The following KCNH1 variants were observed in gnomAD, a reference collection of about 807,000 sequenced individuals.
KCNH1 encodes the protein voltage-gated delayed rectifier potassium channel KCNH1.
A neutral mutation model predicts 69.2 loss-of-function variants in KCNH1; 27 were observed. The observed-to-expected ratio is 0.39, with a 90% CI of 0.29 to 0.54. KCNH1 has a LOEUF of 0.54. Ranked by LOEUF, KCNH1 falls within the 20% of genes least tolerant of loss-of-function variation. The probability of loss-of-function intolerance (pLI) is 0.68; values close to 1 mark genes in which losing one functional copy is unlikely to be tolerated. For missense variants in KCNH1, 798 were observed against 1,261.6 expected, an observed-to-expected ratio of 0.63 and a Z score of 5.57; for synonymous variants, 456 against 487.7, an observed-to-expected ratio of 0.93 and a Z score of 0.86.
chr1:210,814,414 T>C (rs928914308), intron 7 of KCNH1, among the ~76,000 whole-genome samples: 2 of 152,180 alleles, frequency 1.3e-5, no homozygotes, highest in Non-Finnish European at 2.9e-5. Context: ...GACTAAAGAA[T>C]TTTCTCTAAA....
chr1:210,961,848 G>A (rs4951689), intron 6 of KCNH1, among the ~76,000 whole-genome samples: 38 of 147,754 alleles, frequency 2.6e-4, no homozygotes, highest in Admixed American at 4.7e-4. Context: ...CAAAAAAAAA[G>A]AAAAAAAAAA....
chr1:210,735,969 T>G (rs190849980), intron 10 of KCNH1, among the ~76,000 whole-genome samples: 30 of 152,372 alleles, frequency 2.0e-4, no homozygotes, highest in Admixed American at 7.2e-4. Flanking sequence ...TTTAATTATC[T>G]TATCCATTTT....
At chr1:211,121,021 A>G (rs1050180009) in intron 1 of KCNH1, among the ~76,000 whole-genome samples, 2 of 152,144 alleles carry the variant, frequency 1.3e-5, no homozygotes, top group African/African-American at 4.8e-5. Context: ...TGCTCAGGGA[A>G]ATAAGAGAGG....
intron 5 of KCNH1, among the ~76,000 whole-genome samples, chr1:211,022,134 A>G (rs544095700): frequency 2.6e-5 from 4 of 152,302 alleles, no homozygotes; most frequent in Admixed American, 2.6e-4. Flanking sequence ...AGACACATAG[A>G]CCAATGGAAC....
rs181644895 is a variant in KCNH1, at chr1:211,125,616, G to A, written c.79+8251C>T. ...AATTATCAGTAAAATTTGCCAATAC[G>A]GTATCAACTTTCAAATGCTGACTCC... is the stretch of plus-strand genomic sequence containing the variant. On this transcript the variant is annotated intron_variant, in intron 1 of 10. Transcript: ENST00000271751. Among the ~76,000 whole-genome samples, 801 of 152,196 alleles carry A rather than the reference G, an allele frequency of 5.3e-3. 2 individuals carry two copies. The highest frequency in any genetic ancestry group is 8.0e-3 in the Non-Finnish European group (543 of 68,018).
chr1:211,027,417 C>A (rs1488966006), intron 5 of KCNH1, among the ~76,000 whole-genome samples: 1 of 151,994 alleles, frequency 6.6e-6, no homozygotes, highest in East Asian at 1.9e-4. Flanking sequence ...CCAGCCTGAG[C>A]AACATAGTGA....
chr1:211,048,145 C>T (rs1690127085), intron 5 of KCNH1, among the ~76,000 whole-genome samples: 1 of 152,154 alleles, frequency 6.6e-6, no homozygotes, highest in African/African-American at 2.4e-5. Flanking sequence ...CTACCTTACT[C>T]CTGCAAGAAT....
At chr1:210,860,289 T>C in intron 7 of KCNH1, 1 of 1,385,574 alleles carries the variant, frequency 7.2e-7, no homozygotes, top group Admixed American at 1.7e-5. Context: ...GAGACACTTG[T>C]TGACATGTCA....
At chr1:210,985,643 GGA>G (rs1688815830) in intron 6 of KCNH1, among the ~76,000 whole-genome samples, 1 of 152,046 alleles carries the variant, frequency 6.6e-6, no homozygotes, top group Non-Finnish European at 1.5e-5. Flanking sequence ...CTGTGGTCTG[GGA>G]GAGAGTTTGT....
chr1:211,132,060 T>C (rs1206820553), intron 1 of KCNH1, among the ~76,000 whole-genome samples: 1 of 152,234 alleles, frequency 6.6e-6, no homozygotes, highest in South Asian at 2.1e-4. Context: ...TTGTGACTTT[T>C]ACATGTAAGT....
chr1:210,854,937 G>A (rs1206154771), intron 7 of KCNH1, among the ~76,000 whole-genome samples: 1 of 152,188 alleles, frequency 6.6e-6, no homozygotes, highest in African/African-American at 2.4e-5. Flanking sequence ...CCTGGGCTGG[G>A]AAGTAATAAT....
chr1:210,932,190 T>C (rs1411194632), intron 6 of KCNH1, among the ~76,000 whole-genome samples: 1 of 152,130 alleles, frequency 6.6e-6, no homozygotes, highest in East Asian at 1.9e-4. Flanking sequence ...GTCAAACTGT[T>C]AGAAGTCAAA....
At chr1:210,951,277 G>A (rs1276783277) in intron 6 of KCNH1, among the ~76,000 whole-genome samples, 10 of 152,160 alleles carry the variant, frequency 6.6e-5, no homozygotes, top group East Asian at 1.9e-4. Flanking sequence ...CATAGCCTGC[G>A]TGCATCCAGG....
chr1:211,002,094 T>C (rs1689193600), intron 6 of KCNH1, among the ~76,000 whole-genome samples: 1 of 151,890 alleles, frequency 6.6e-6, no homozygotes, highest in African/African-American at 2.4e-5. Flanking sequence ...CACACCAACA[T>C]GGCACATGTA....
chr1:210,779,187 T>C (rs951403129), intron 9 of KCNH1, among the ~76,000 whole-genome samples: 2 of 152,212 alleles, frequency 1.3e-5, no homozygotes, highest in Non-Finnish European at 2.9e-5. Flanking sequence ...GATTAATCTG[T>C]AGGGTCTAAG....
Position 211,121,621 on chromosome 1 carries a change from G to A in KCNH1, c.79+12246C>T, listed in dbSNP as rs1227889952. 2.0e-5 allele frequency among the ~76,000 whole-genome samples: 3 copies of A among 152,140 alleles called. No individual in the cohort carries two copies. In the East Asian group the frequency reaches 5.8e-4, roughly 29 times the overall value. On this transcript the variant is annotated intron_variant, in intron 1 of 10. Coordinates refer to ENST00000271751, the MANE Select transcript of KCNH1 (RefSeq NM_172362.3). ...AATACCATTCAGGACATGGGCATGG[G>A]CAAAGACTTCATGACAAAAACGCCA...
rs1681343693 is a variant in KCNH1 at position 210,683,979 on chromosome 1, C to T, written c.2272G>A (p.Gly758Ser). ...ACATCTAGGTCATCCAGGTCCCGGC[C>T]CCCTCTCTCAGCTGCCAGCCTGGCC... ...KEARLAAERG[G>S]RDLDDLDVEK... Residue 758 changes from glycine to serine, a missense_variant, in exon 11 of 11, where the codon GGC becomes AGC. By Grantham distance (56) the Gly-to-Ser change is moderately conservative (BLOSUM62 0). Coordinates refer to ENST00000271751, the MANE Select transcript of KCNH1 (RefSeq NM_172362.3). The surrounding 1 kb of genome is among the most constrained non-coding windows in gnomAD (Gnocchi z 5.7). 1.9e-6 allele frequency: 3 copies of T among 1,600,324 alleles called. No individual in the cohort carries two copies. Among genetic ancestry groups the T allele is most frequent in the South Asian group, 1.1e-5 (1 of 90,144 alleles).
chr1:210,920,183 T>C, intron 6 of KCNH1, 114 bp from the exon 7 acceptor site: 2 of 854,228 alleles, frequency 2.3e-6, no homozygotes, highest in South Asian at 2.0e-5. Flanking sequence ...GAGATGCAAT[T>C]TTATGCAACC....
At chr1:210,854,469 C>T (rs1359134283) in intron 7 of KCNH1, among the ~76,000 whole-genome samples, 1 of 152,188 alleles carries the variant, frequency 6.6e-6, no homozygotes, top group Non-Finnish European at 1.5e-5. Flanking sequence ...CTCCCAAAAC[C>T]TGGATCTACA....
Sources: allele counts gnomAD v4.1 joint callset (sites outside exome capture counted in the v4.1 genomes callset), GRCh38; gene constraint gnomAD v4.1.1; non-coding constraint Gnocchi (gnomAD v3.1); transcripts MANE v1.5; gene names NCBI Gene and HGNC (gene_info 2026-07-23, HGNC 2026-07-21).